The following STXBP5L variants were observed in gnomAD, a reference collection of about 807,000 sequenced individuals.
The protein encoded by STXBP5L is syntaxin-binding protein 5-like.
STXBP5L carries 65 observed loss-of-function variants against 144.5 expected under a neutral mutation model. The observed-to-expected ratio is 0.45, with a 90% CI of 0.37 to 0.55. The LOEUF (loss-of-function observed/expected upper bound fraction) is 0.55. STXBP5L is among the 20% of genes least tolerant of loss of function. The pLI is 0.00. For missense variants in STXBP5L, 1,298 were observed against 1,405.5 expected (o/e 0.92, Z 1.22); for synonymous variants, 505 against 469.6 (o/e 1.08, Z -0.97).
intron 3 of STXBP5L, among the ~76,000 whole-genome samples, chr3:121,014,009 G>A (rs1361954034): frequency 1.3e-5 from 2 of 151,886 alleles, no homozygotes; most frequent in African/African-American, 4.8e-5. Context: ...GTCTGTTTTT[G>A]TACCAGTACC....
At chr3:121,092,016 C>T (rs1000387846) in intron 5 of STXBP5L, among the ~76,000 whole-genome samples, 18 of 152,098 alleles carry the variant, frequency 1.2e-4, no homozygotes, top group Non-Finnish European at 1.6e-4. Context: ...TTCCCAGCAC[C>T]GTTTATTAAA....
At chr3:120,989,193 T>G (rs1413764747) in intron 3 of STXBP5L, among the ~76,000 whole-genome samples, 1 of 152,076 alleles carries the variant, frequency 6.6e-6, no homozygotes, top group African/African-American at 2.4e-5. Flanking sequence ...GTAGTGGGAT[T>G]GCTGAGTCAA....
At chr3:121,382,964 A>G (rs1223565393) in intron 22 of STXBP5L, among the ~76,000 whole-genome samples, 6 of 151,854 alleles carry the variant, frequency 4.0e-5, no homozygotes, top group Non-Finnish European at 7.4e-5. Context: ...TTCTTTCAAG[A>G]CTCTAGTTAA....
intron 19 of STXBP5L, among the ~76,000 whole-genome samples, chr3:121,317,389 T>A (rs1411232303): frequency 6.6e-6 from 1 of 152,206 alleles, no homozygotes; most frequent in Non-Finnish European, 1.5e-5. Flanking sequence ...AGTTATAGTT[T>A]CTCACTTATA....
intron 3 of STXBP5L, among the ~76,000 whole-genome samples, chr3:121,014,935 G>A (rs1382869296): frequency 6.6e-6 from 1 of 151,896 alleles, no homozygotes; most frequent in Non-Finnish European, 1.5e-5. Flanking sequence ...AAATAATAAA[G>A]TACTTAGGGA....
intron 5 of STXBP5L, among the ~76,000 whole-genome samples, chr3:121,094,276 T>A (rs1305737258): frequency 6.6e-6 from 1 of 152,208 alleles, no homozygotes; most frequent in Admixed American, 6.5e-5. Context: ...GTTCTGTAGA[T>A]GTCTATTAGG....
chr3:121,043,276 G>T (rs750667624), intron 4 of STXBP5L, among the ~76,000 whole-genome samples: 3 of 151,882 alleles, frequency 2.0e-5, no homozygotes, highest in African/African-American at 4.8e-5. Context: ...CTTTTGGTAG[G>T]TTCACTTTGT....
chr3:121,107,499 C>T (rs1345292404), intron 5 of STXBP5L, among the ~76,000 whole-genome samples: 1 of 152,050 alleles, frequency 6.6e-6, no homozygotes, highest in East Asian at 1.9e-4. Flanking sequence ...TTCTTTTTGT[C>T]AGGTTTGTCA....
chr3:120,978,640 G>GT (rs1444329481), intron 3 of STXBP5L, among the ~76,000 whole-genome samples: 2 of 149,902 alleles, frequency 1.3e-5, no homozygotes, highest in African/African-American at 4.9e-5. Context: ...AGAGTTTCCA[G>GT]TTTTTCTGCT....
intron 22 of STXBP5L, among the ~76,000 whole-genome samples, chr3:121,393,998 T>A (rs1576346569): frequency 6.6e-6 from 1 of 152,332 alleles, no homozygotes; most frequent in African/African-American, 2.4e-5. Flanking sequence ...TTGTGTTGAA[T>A]CTGTAGATTG....
At chr3:121,297,214 G>A (rs1559946593) in intron 19 of STXBP5L, among the ~76,000 whole-genome samples, 2 of 145,748 alleles carry the variant, frequency 1.4e-5, no homozygotes, top group East Asian at 3.9e-4. Flanking sequence ...GTGTGTGTGT[G>A]TGTGTGTGTG....
In STXBP5L at chr3:121,006,086, A is replaced by G. The variant is rs185326122; in HGVS notation, c.288-35614A>G. Among the ~76,000 whole-genome samples the G allele has an allele frequency of 4.5e-4, 68 of 152,266 alleles. No homozygotes were observed. The East Asian group carries it at 0.012, about 27-fold the overall frequency. On this transcript the variant is annotated intron_variant, in intron 3 of 26. Coordinates refer to ENST00000471454, the MANE Select transcript of STXBP5L (RefSeq NM_001308330.2). ...GTTAGGTCTGCTTGGTGCAGAGCTG[A>G]GTTCAATTCCTGGGTATCCTTGTTA...
At chr3:121,266,375 C>G (rs910600766) in intron 18 of STXBP5L, among the ~76,000 whole-genome samples, 2 of 151,730 alleles carry the variant, frequency 1.3e-5, no homozygotes, top group Non-Finnish European at 3.0e-5. Context: ...CAATGACAAC[C>G]ACTTGATTAT....
At chr3:120,978,916 G>T (rs941870860) in intron 3 of STXBP5L, among the ~76,000 whole-genome samples, 26 of 152,162 alleles carry the variant, frequency 1.7e-4, no homozygotes, top group African/African-American at 6.3e-4. Context: ...TTTTGTCTCA[G>T]AGGAGTACCC....
chr3:121,015,461 G>T (rs916289335), intron 3 of STXBP5L, among the ~76,000 whole-genome samples: 1 of 152,146 alleles, frequency 6.6e-6, no homozygotes, highest in East Asian at 1.9e-4. Context: ...CACAGATAGT[G>T]CAGAAGCCAC....
At chr3:121,247,520 G>A (rs1334564807) in intron 14 of STXBP5L, among the ~76,000 whole-genome samples, 1 of 152,082 alleles carries the variant, frequency 6.6e-6, no homozygotes, top group Non-Finnish European at 1.5e-5. Context: ...CTGTGTTTAT[G>A]TCCATGTGTA....
chr3:121,254,534 T>G (rs1384567672), intron 15 of STXBP5L, among the ~76,000 whole-genome samples: 2 of 152,194 alleles, frequency 1.3e-5, no homozygotes, highest in Non-Finnish European at 2.9e-5. Context: ...GAGTCTCCGC[T>G]AGGGAAGAAT....
At chr3:121,211,983 T>C (rs1360060640) in intron 10 of STXBP5L, among the ~76,000 whole-genome samples, 2 of 152,222 alleles carry the variant, frequency 1.3e-5, no homozygotes, top group Non-Finnish European at 2.9e-5. Context: ...TGAGCTTTTT[T>C]TCATGTTTTT....
intron 2 of STXBP5L, among the ~76,000 whole-genome samples, chr3:120,954,067 T>C (rs1266331869): frequency 6.6e-6 from 1 of 152,186 alleles, no homozygotes; most frequent in Non-Finnish European, 1.5e-5. Flanking sequence ...CATTCACTTA[T>C]CATGTATCTA....
Sources: gnomAD v4.1 joint callset for allele counts (sites outside exome capture counted in the v4.1 genomes callset) on GRCh38, gnomAD v4.1.1 for gene constraint, MANE v1.5 for transcripts, NCBI Gene and HGNC (gene_info 2026-07-23, HGNC 2026-07-21) for gene names.